GALNT18: variants seen among roughly 807,000 people sequenced by gnomAD.
The protein encoded by GALNT18 is polypeptide N-acetylgalactosaminyltransferase 18, also known as GalNAc-transferase 18.
Under a neutral mutation model 69.5 loss-of-function variants are expected in GALNT18, and 44 were observed. The ratio of observed to expected loss-of-function variants is 0.63; its 90% confidence interval spans 0.50 to 0.81. The LOEUF is 0.81. Among genes scored for constraint, GALNT18 ranks in the 40% least tolerant of loss-of-function variants. GALNT18 has a pLI of 0.00. For missense variants in GALNT18, 715 were observed against 810.0 expected (o/e 0.88, Z 1.42); for synonymous variants, 364 against 318.2 (o/e 1.14, Z -1.53).
intron 6 of GALNT18, among the ~76,000 whole-genome samples, chr11:11,362,934 A>G (rs2133082655): frequency 6.6e-6 from 1 of 152,348 alleles, no homozygotes; most frequent in East Asian, 1.9e-4. Flanking sequence ...TTGGTAGAAC[A>G]AACTATAAAA....
intron 2 of GALNT18, among the ~76,000 whole-genome samples, chr11:11,437,712 TC>T (rs1855435226): frequency 7.4e-6 from 1 of 134,274 alleles, no homozygotes; most frequent in East Asian, 2.3e-4. Flanking sequence ...GTCTGCAAGG[TC>T]CTAGTCTATC....
Position 11,372,751 on chromosome 11 carries a change from G to A in GALNT18, c.978-122C>T, listed in dbSNP as rs1462885471. The A allele has an allele frequency of 6.7e-5, 53 of 791,248 alleles. 1 individual carries two copies. The highest frequency in any genetic ancestry group is 6.2e-4 in the South Asian group (39 of 63,132). The allele number at this position is 791,248 out of a possible 1,614,324, so 49.0% of individuals were successfully genotyped here. A position where few individuals can be genotyped will look rare whatever the true frequency, so the allele number is the denominator to read the frequency against. On this transcript the variant is annotated intron_variant, in intron 5 of 10. Transcript: ENST00000227756. This position sits in a 1 kb window ranked among gnomAD's most constrained non-coding sequence, Gnocchi z 4.9. ...CTTCCTTTGCTGCCAGAGCCAGTGT[G>A]AGCCTTGTTCTTGGAGTGGCCCCTG...
Position 11,404,171 on chromosome 11 carries a change from T to C in GALNT18, c.596-24907A>G, listed in dbSNP as rs1245776631. 1.3e-5 allele frequency among the ~76,000 whole-genome samples: 2 copies of C among 151,700 alleles called. No individual in the cohort carries two copies. Among genetic ancestry groups the C allele is most frequent in the East Asian group, 1.9e-4 (1 of 5,142 alleles). ...ACGGGCTTTCTCTTCCGTAAAGGAG[T>C]GAGTGTCTAGGGGAGTTCATGCGTG... On this transcript the variant is annotated intron_variant, in intron 3 of 10. Transcript: ENST00000227756. This position sits in a 1 kb window ranked among gnomAD's most constrained non-coding sequence, Gnocchi z 4.5.
chr11:11,458,612 G>A (rs1440600221), intron 1 of GALNT18, among the ~76,000 whole-genome samples: 1 of 152,200 alleles, frequency 6.6e-6, no homozygotes, highest in Non-Finnish European at 1.5e-5. Context: ...CCCAGACCAT[G>A]TTTGCAGAGC....
chr11:11,441,795 G>A (rs7115624), intron 2 of GALNT18, among the ~76,000 whole-genome samples: 3,280 of 152,220 alleles, frequency 0.022, 115 homozygotes, highest in African/African-American at 0.076. Context: ...TCCTCCTCCA[G>A]GGCCAGCTAC....
intron 6 of GALNT18, among the ~76,000 whole-genome samples, chr11:11,345,107 G>A (rs961764074): frequency 6.6e-6 from 1 of 152,112 alleles, no homozygotes; most frequent in Non-Finnish European, 1.5e-5. Flanking sequence ...CAGCAGAGGG[G>A]TACACAACGC....
Position 11,347,542 on chromosome 11 carries a change from A to G in GALNT18, c.1093-6538T>C, listed in dbSNP as rs1850324569. On this transcript the variant is annotated intron_variant, in intron 6 of 10. Coordinates refer to ENST00000227756, the MANE Select transcript of GALNT18 (RefSeq NM_198516.3). The surrounding 1 kb of genome is among the most constrained non-coding windows in gnomAD (Gnocchi z 4.0). The stretch of plus-strand genomic sequence containing the variant: ...TGGGTAAGGGACTGGGGTTGGTGGC[A>G]CTTCAGCCTTGTACTTCATAGCCAC... Among the ~76,000 whole-genome samples the G allele has an allele frequency of 6.6e-6, 1 of 152,230 alleles. No individual in the cohort carries two copies. Among genetic ancestry groups the G allele is most frequent in the Non-Finnish European group, 1.5e-5 (1 of 68,034 alleles).
intron 1 of GALNT18, chr11:11,476,049 G>A (rs1300351822): frequency 1.3e-5 from 2 of 152,198 alleles, no homozygotes; most frequent in Non-Finnish European, 2.9e-5. Flanking sequence ...CATGGCGAAC[G>A]TGAAATTGCC....
chr11:11,331,842 C>T (rs534337225), intron 8 of GALNT18, among the ~76,000 whole-genome samples: 7 of 152,104 alleles, frequency 4.6e-5, no homozygotes, highest in African/African-American at 9.6e-5. Context: ...AAAAGCCAGG[C>T]GAGATAGCCA....
chr11:11,362,023 C>A (rs1369134442), intron 6 of GALNT18, among the ~76,000 whole-genome samples: 1 of 152,000 alleles, frequency 6.6e-6, no homozygotes, highest in African/African-American at 2.4e-5. Flanking sequence ...GAAACAGACC[C>A]AAAAGTATGT....
chr11:11,534,157 T>C (rs1288979515), intron 1 of GALNT18, among the ~76,000 whole-genome samples: 1 of 152,188 alleles, frequency 6.6e-6, no homozygotes, highest in Non-Finnish European at 1.5e-5. Flanking sequence ...CAGACTTTGG[T>C]GTCCAGGCCC....
At chr11:11,351,664 TG>T (rs1218774775) in intron 6 of GALNT18, among the ~76,000 whole-genome samples, 5 of 152,172 alleles carry the variant, frequency 3.3e-5, no homozygotes, top group Non-Finnish European at 7.3e-5. Context: ...ATCACTTCTT[TG>T]TTTTGAAATA....
chr11:11,451,347 T>C (rs1369877216), intron 1 of GALNT18, among the ~76,000 whole-genome samples: 1 of 152,236 alleles, frequency 6.6e-6, no homozygotes, highest in African/African-American at 2.4e-5. Context: ...TGCTCTCGAA[T>C]ACCTAAGTGG....
At chr11:11,452,469 G>A (rs147831068) in intron 1 of GALNT18, among the ~76,000 whole-genome samples, 25 of 152,332 alleles carry the variant, frequency 1.6e-4, no homozygotes, top group Admixed American at 5.2e-4. Flanking sequence ...CTATCGGGCC[G>A]CCGGAGTTGG....
chr11:11,289,746 G>C (rs1849264465), intron 10 of GALNT18, among the ~76,000 whole-genome samples: 1 of 152,196 alleles, frequency 6.6e-6, no homozygotes, highest in African/African-American at 2.4e-5. Context: ...AAAGAGGGTA[G>C]AAGTGTCTGG....
rs1210252160 is a variant in GALNT18, at chr11:11,465,172, G to A, written c.236-16236C>T. 3.9e-5 allele frequency among the ~76,000 whole-genome samples: 6 copies of A among 152,264 alleles called. No individual in the cohort carries two copies. The East Asian group carries it at 1.2e-3, about 29-fold the overall frequency. On this transcript the variant is annotated intron_variant, in intron 1 of 10. Transcript: ENST00000227756. The surrounding 1 kb of genome is among the most constrained non-coding windows in gnomAD (Gnocchi z 5.7). ...GCCTTGGGATGCCTGAGGAAGGTCT[G>A]TTCCCAGATCCTCAGCCCCATTCCT...
intron 1 of GALNT18, among the ~76,000 whole-genome samples, chr11:11,471,074 A>G (rs1459495020): frequency 6.6e-6 from 1 of 151,862 alleles, no homozygotes; most frequent in Non-Finnish European, 1.5e-5. Flanking sequence ...TCCCTCATCT[A>G]AGAAAACCTT....
intron 10 of GALNT18, among the ~76,000 whole-genome samples, chr11:11,276,514 T>G (rs1463779542): frequency 6.6e-6 from 1 of 152,204 alleles, no homozygotes; most frequent in Non-Finnish European, 1.5e-5. Flanking sequence ...CCTATTTGAA[T>G]ATCCTGTATT....
At chr11:11,289,314 C>CCAAA (rs1455788925) in intron 10 of GALNT18, among the ~76,000 whole-genome samples, 32 of 152,316 alleles carry the variant, frequency 2.1e-4, no homozygotes, top group African/African-American at 7.2e-4. Context: ...AATAGTATTT[C>CCAAA]CAAACAGTTC....
Sources: gnomAD v4.1 joint callset for allele counts (sites outside exome capture counted in the v4.1 genomes callset) on GRCh38, gnomAD v4.1.1 for gene constraint, Gnocchi (gnomAD v3.1) non-coding constraint, MANE v1.5 for transcripts, NCBI Gene and HGNC (gene_info 2026-07-23, HGNC 2026-07-21) for gene names.